MYO5A: variants seen among roughly 807,000 people sequenced by gnomAD.
MYO5A encodes unconventional myosin-Va.
In MYO5A, 98 loss-of-function variants were observed where a neutral mutation model predicts 249.7. The ratio of observed to expected loss-of-function variants is 0.39; its 90% confidence interval spans 0.33 to 0.46. The LOEUF (loss-of-function observed/expected upper bound fraction) is 0.46, where lower values mean the gene tolerates loss of function less well. Ranked by LOEUF, MYO5A falls within the 20% of genes least tolerant of loss-of-function variation. The probability of loss-of-function intolerance (pLI) is 0.98; values close to 1 mark genes in which losing one functional copy is unlikely to be tolerated. For missense variants in MYO5A, 1,696 were observed against 2,308.8 expected (o/e 0.73, Z 5.44); for synonymous variants, 778 against 810.6 (o/e 0.96, Z 0.68).
At chr15:52,461,438 C>T (rs1444740380) in intron 1 of MYO5A, among the ~76,000 whole-genome samples, 2 of 152,090 alleles carry the variant, frequency 1.3e-5, no homozygotes, top group African/African-American at 4.8e-5. Flanking sequence ...TGCTATCAAC[C>T]ATAAGCATGA....
chr15:52,342,353 T>G (rs1045033198), intron 31 of MYO5A, among the ~76,000 whole-genome samples: 5 of 152,060 alleles, frequency 3.3e-5, no homozygotes, highest in African/African-American at 1.2e-4. Context: ...AGCAAGACCC[T>G]GTGTCAAAAA....
At chr15:52,324,525 T>G (rs2038501682) in intron 36 of MYO5A, among the ~76,000 whole-genome samples, 1 of 152,216 alleles carries the variant, frequency 6.6e-6, no homozygotes, top group African/African-American at 2.4e-5. Context: ...ACCAGAATAG[T>G]TTACCTAGGA....
At chr15:52,351,638 G>T (rs528447654) in intron 27 of MYO5A, among the ~76,000 whole-genome samples, 157 bp from the exon 28 acceptor site, 10 of 152,262 alleles carry the variant, frequency 6.6e-5, no homozygotes, top group Admixed American at 3.9e-4. Flanking sequence ...GCCCTGCTTT[G>T]CAAATTAAGG....
chr15:52,495,859 A>C (rs112239287), intron 1 of MYO5A, among the ~76,000 whole-genome samples: 14 of 152,068 alleles, frequency 9.2e-5, no homozygotes, highest in African/African-American at 3.4e-4. Context: ...ACAGTTTCCA[A>C]GTTCATCTGA....
At chr15:52,389,968 C>CA (rs2042146592) in intron 12 of MYO5A, among the ~76,000 whole-genome samples, 1 of 151,858 alleles carries the variant, frequency 6.6e-6, no homozygotes, top group Admixed American at 6.6e-5. Flanking sequence ...AAAAGAAAAA[C>CA]AAAAAAGCCT....
intron 34 of MYO5A, among the ~76,000 whole-genome samples, chr15:52,333,878 C>T (rs966833927): frequency 6.6e-6 from 1 of 152,134 alleles, no homozygotes; most frequent in South Asian, 2.1e-4. Context: ...CAGGCAGATA[C>T]GAGGATGAAA....
At chr15:52,494,649 C>T (rs1247678640) in intron 1 of MYO5A, among the ~76,000 whole-genome samples, 2 of 152,114 alleles carry the variant, frequency 1.3e-5, no homozygotes, top group South Asian at 2.1e-4. Context: ...CACACCACCA[C>T]GTCCGGATAA....
intron 1 of MYO5A, among the ~76,000 whole-genome samples, chr15:52,454,146 G>C (rs2141382813): frequency 6.6e-6 from 1 of 152,180 alleles, no homozygotes; most frequent in East Asian, 1.9e-4. Flanking sequence ...GACATACGTA[G>C]ACTGAAAGTG....
chr15:52,386,187 TA>T (rs1333390578), intron 14 of MYO5A, among the ~76,000 whole-genome samples: 1 of 151,970 alleles, frequency 6.6e-6, no homozygotes, highest in African/African-American at 2.4e-5. Flanking sequence ...CATGCATCTG[TA>T]GTCCCAGCTA....
intron 30 of MYO5A, among the ~76,000 whole-genome samples, chr15:52,344,507 G>C (rs1007819233): frequency 6.6e-6 from 1 of 152,130 alleles, no homozygotes; most frequent in African/African-American, 2.4e-5. Context: ...ACAGCTTTCT[G>C]ACTTCGTCTT....
In MYO5A at chr15:52,353,907, G is replaced by A; in HGVS notation, c.3531C>T (p.Asp1177=). The part of the protein sequence containing the change: ...QEKQVMQDEL[D]RKEEQVLRSK... The stretch of plus-strand genomic sequence containing the variant: ...TGCGGAGCACCTGCTCCTCCTTGCG[G>A]TCCAGCTCATCCTGCATCACCTGCT... The change falls in exon 26 of 42, where the codon GAC becomes GAT. Residue 1177 remains aspartate, a synonymous_variant. Coordinates refer to ENST00000399233, the MANE Select transcript of MYO5A (RefSeq NM_001382347.1). 6.2e-7 allele frequency: 1 copy of A among 1,614,210 alleles called. No homozygotes were observed.
chr15:52,324,821 G>A (rs911405910), intron 36 of MYO5A, among the ~76,000 whole-genome samples: 1 of 151,766 alleles, frequency 6.6e-6, no homozygotes, highest in Admixed American at 6.6e-5. Flanking sequence ...CCCCTAAAAA[G>A]ACTTTAAGAA....
At chr15:52,486,862 T>A (rs1257843931) in intron 1 of MYO5A, among the ~76,000 whole-genome samples, 1 of 152,152 alleles carries the variant, frequency 6.6e-6, no homozygotes, top group Admixed American at 6.5e-5. Flanking sequence ...TATAGAAGAT[T>A]CCCACGAGGA....
chr15:52,418,065 C>G (rs2043597803), intron 4 of MYO5A, among the ~76,000 whole-genome samples: 2 of 152,194 alleles, frequency 1.3e-5, no homozygotes, highest in Middle Eastern at 3.4e-3. Flanking sequence ...CAAGCAAGGA[C>G]TACAGAAGTC....
chr15:52,408,024 A>G (rs757730187), intron 7 of MYO5A, 35 bp downstream of exon 7: 3 of 1,330,556 alleles, frequency 2.3e-6, no homozygotes, highest in South Asian at 2.4e-5. Context: ...ACAGAAAACA[A>G]TACCAGAACA....
intron 1 of MYO5A, among the ~76,000 whole-genome samples, chr15:52,449,064 G>A (rs1002092981): frequency 2.7e-5 from 4 of 146,730 alleles, no homozygotes; most frequent in Non-Finnish European, 6.0e-5. Flanking sequence ...TGTCTCCCGG[G>A]TTCAAGCGAT....
chr15:52,491,011 T>C (rs965476937), intron 1 of MYO5A, among the ~76,000 whole-genome samples: 3 of 152,180 alleles, frequency 2.0e-5, no homozygotes, highest in South Asian at 2.1e-4. Flanking sequence ...GTGAGCACCA[T>C]GCCTGGCCTG....
intron 3 of MYO5A, among the ~76,000 whole-genome samples, chr15:52,426,563 C>T (rs760571234): frequency 1.3e-5 from 2 of 152,070 alleles, no homozygotes; most frequent in Non-Finnish European, 1.5e-5. Context: ...CCCAGGCTTA[C>T]GAAATCCTCC....
chr15:52,452,798 A>C (rs568460576), intron 1 of MYO5A, among the ~76,000 whole-genome samples: 3 of 151,808 alleles, frequency 2.0e-5, no homozygotes, highest in Non-Finnish European at 4.4e-5. Flanking sequence ...CAGTGAGCCA[A>C]GATTGCGCCA....
Sources: allele counts gnomAD v4.1 joint callset (sites outside exome capture counted in the v4.1 genomes callset), GRCh38; gene constraint gnomAD v4.1.1; transcripts MANE v1.5; gene names NCBI Gene and HGNC (gene_info 2026-07-23, HGNC 2026-07-21).